The following BMP6 variants were observed in gnomAD, a reference collection of about 807,000 sequenced individuals.
BMP6 encodes VG-1-R.
Under a neutral mutation model 54.1 loss-of-function variants are expected in BMP6, and 17 were observed. The ratio of observed to expected loss-of-function variants is 0.31; its 90% confidence interval spans 0.22 to 0.47. BMP6 has a LOEUF of 0.47. Ranked by LOEUF, BMP6 falls within the 20% of genes least tolerant of loss-of-function variation. The probability of loss-of-function intolerance (pLI) is 1.00; values close to 1 mark genes in which losing one functional copy is unlikely to be tolerated. For synonymous variants in BMP6, 328 were observed against 291.2 expected (o/e 1.13, Z -1.28); for missense variants, 720 against 690.4 (o/e 1.04, Z -0.48).
chr6:7,813,443 A>T (rs1205360361), intron 1 of BMP6, among the ~76,000 whole-genome samples: 2 of 119,398 alleles, frequency 1.7e-5, no homozygotes, highest in African/African-American at 6.3e-5. Context: ...CAACATAGTG[A>T]GATCCCTGTC....
intron 1 of BMP6, among the ~76,000 whole-genome samples, chr6:7,743,299 T>A (rs943129595): frequency 1.3e-5 from 2 of 152,258 alleles, no homozygotes; most frequent in Non-Finnish European, 2.9e-5. Context: ...AACAATAGTA[T>A]ATAATGTTGC....
intron 1 of BMP6, among the ~76,000 whole-genome samples, chr6:7,729,376 T>G (rs1203465654): frequency 6.6e-6 from 1 of 150,912 alleles, no homozygotes; most frequent in Non-Finnish European, 1.5e-5. Flanking sequence ...AATGTTTTAT[T>G]GCCTCTTGGG....
intron 1 of BMP6, among the ~76,000 whole-genome samples, chr6:7,727,859 G>C (rs921953646): frequency 8.6e-5 from 13 of 151,446 alleles, no homozygotes; most frequent in Admixed American, 3.3e-4. Flanking sequence ...CTGGCCGGCC[G>C]GGCCGCGGGG....
At chr6:7,733,306 G>A (rs554309310) in intron 1 of BMP6, among the ~76,000 whole-genome samples, 1 of 152,270 alleles carries the variant, frequency 6.6e-6, no homozygotes, top group South Asian at 2.1e-4. Context: ...CAGAATTTTA[G>A]TCATTTTGCC....
chr6:7,800,771 A>G (rs1189257323), intron 1 of BMP6, among the ~76,000 whole-genome samples: 1 of 152,176 alleles, frequency 6.6e-6, no homozygotes, highest in East Asian at 1.9e-4. Context: ...AAACCAACCA[A>G]TAAATTGATT....
intron 1 of BMP6, among the ~76,000 whole-genome samples, chr6:7,774,106 G>A (rs1453285830): frequency 1.3e-5 from 2 of 152,180 alleles, no homozygotes; most frequent in African/African-American, 4.8e-5. Context: ...TTCACGAAAC[G>A]GGTCTTAGAG....
intron 2 of BMP6, among the ~76,000 whole-genome samples, chr6:7,854,818 A>C (rs1197721999): frequency 6.6e-6 from 1 of 152,136 alleles, no homozygotes; most frequent in East Asian, 1.9e-4. Flanking sequence ...AAACTAACTA[A>C]ATAAAAATAA....
At chr6:7,747,928 G>T (rs907024723) in intron 1 of BMP6, among the ~76,000 whole-genome samples, 2 of 152,170 alleles carry the variant, frequency 1.3e-5, no homozygotes, top group Non-Finnish European at 2.9e-5. Context: ...TTATAGGCGT[G>T]AGCCACTGTG....
chr6:7,825,681 T>C (rs1460257187), intron 1 of BMP6, among the ~76,000 whole-genome samples: 7 of 151,588 alleles, frequency 4.6e-5, no homozygotes, highest in Non-Finnish European at 1.0e-4. Context: ...GATTGTGTCA[T>C]TGCGCTCCAG....
intron 1 of BMP6, among the ~76,000 whole-genome samples, chr6:7,780,232 G>T (rs1156690189): frequency 6.6e-6 from 1 of 152,150 alleles, no homozygotes; most frequent in East Asian, 1.9e-4. Context: ...ACCCACCACA[G>T]TGGCACCTCT....
chr6:7,786,523 C>T (rs1758023220), intron 1 of BMP6, among the ~76,000 whole-genome samples: 1 of 147,850 alleles, frequency 6.8e-6, no homozygotes, highest in Non-Finnish European at 1.5e-5. Context: ...ACATCCTTGG[C>T]AATGCTTCCT....
chr6:7,777,538 A>T (rs955815628), intron 1 of BMP6, among the ~76,000 whole-genome samples: 1 of 152,168 alleles, frequency 6.6e-6, no homozygotes, highest in Non-Finnish European at 1.5e-5. Context: ...CCTTGAGGCC[A>T]GTTGGGTAAG....
Position 7,862,617 on chromosome 6 carries a change from G to C in BMP6, c.1204+119G>C, listed in dbSNP as rs1581284135. 5 of 1,268,614 alleles carry C rather than the reference G, an allele frequency of 3.9e-6. No individual in the cohort carries two copies. In the East Asian group the frequency reaches 1.0e-4, roughly 25 times the overall value. The allele number at this position is 1,268,614 out of a possible 1,614,324, so 78.6% of individuals were successfully genotyped here. The stretch of plus-strand genomic sequence containing the variant: ...TGCACAGCAAATCCAAAGGCAAATA[G>C]GTGTCATATGCATGATGGTACCTTG... On this transcript the variant is annotated intron_variant, in intron 4 of 6. Coordinates refer to ENST00000283147, the MANE Select transcript of BMP6 (RefSeq NM_001718.6).
At chr6:7,875,534 T>C (rs1759602504) in intron 4 of BMP6, among the ~76,000 whole-genome samples, 1 of 152,080 alleles carries the variant, frequency 6.6e-6, no homozygotes, top group Non-Finnish European at 1.5e-5. Flanking sequence ...TAGCTTGTGG[T>C]GGCCCGTTCT....
rs114265108 is a variant in BMP6, at chr6:7,831,345, G to A, written c.665-13795G>A. Among the ~76,000 whole-genome samples the A allele has an allele frequency of 7.3e-3, 1,107 of 152,282 alleles. 15 individuals are homozygous for A. Among genetic ancestry groups the A allele is most frequent in the African/African-American group, 0.026 (1,062 of 41,540 alleles). ...TTTGCTTCATGGGCTTTGTGTAGAG[G>A]CGATGAAAATGTTTTGGAATCATTT... is the stretch of plus-strand genomic sequence containing the variant. On this transcript the variant is annotated intron_variant, in intron 1 of 6. Transcript: ENST00000283147.
chr6:7,771,684 G>A (rs1757790177), intron 1 of BMP6, among the ~76,000 whole-genome samples: 1 of 70,016 alleles, frequency 1.4e-5, no homozygotes, highest in Non-Finnish European at 4.7e-5. Context: ...GGCATGGAGG[G>A]GTGTTACACA....
chr6:7,790,514 C>CAAAAA lies in BMP6; in HGVS notation c.665-54598_665-54594dup, dbSNP rs35572440. ...AGGGTGACACAGTGAGACCCTGTCT[C>CAAAAA]AAAAAAAAAAAAAAAAAAAAAAAAA... On this transcript the variant is annotated intron_variant, in intron 1 of 6. Transcript: ENST00000283147. Among the ~76,000 whole-genome samples, 50 of 73,494 alleles carry CAAAAA rather than the reference C, an allele frequency of 6.8e-4. 2 individuals carry two copies. The highest frequency in any genetic ancestry group is 8.3e-4 in the African/African-American group (12 of 14,466). 48.2% of individuals were successfully genotyped at this position (73,494 alleles called of 152,430 possible).
intron 1 of BMP6, among the ~76,000 whole-genome samples, chr6:7,733,741 A>G (rs1242024237): frequency 6.6e-6 from 1 of 152,190 alleles, no homozygotes. Context: ...CTTCTCTTCA[A>G]CACCCTCACT....
intron 1 of BMP6, 139 bp from the exon 2 acceptor site, chr6:7,845,001 G>T (rs989002561): frequency 4.1e-6 from 3 of 736,128 alleles, no homozygotes; most frequent in Non-Finnish European, 4.5e-6. Context: ...CCAGTGGTCT[G>T]TTCACTACCC....
Sources: allele counts gnomAD v4.1 joint callset (sites outside exome capture counted in the v4.1 genomes callset), GRCh38; gene constraint gnomAD v4.1.1; transcripts MANE v1.5; gene names NCBI Gene and HGNC (gene_info 2026-07-23, HGNC 2026-07-21).